The following ZNF532 variants were observed in gnomAD, a reference collection of about 807,000 sequenced individuals.
The protein encoded by ZNF532 is zinc finger protein 532.
In ZNF532, 22 loss-of-function variants were observed where a neutral mutation model predicts 89.3. That is an observed-to-expected ratio of 0.25 (90% CI 0.18 to 0.35). The LOEUF is 0.35. Ranked by LOEUF, ZNF532 falls within the 10% of genes least tolerant of loss-of-function variation. The probability of loss-of-function intolerance (pLI) is 1.00; values close to 1 mark genes in which losing one functional copy is unlikely to be tolerated. For missense variants in ZNF532, 1,132 were observed against 1,643.4 expected, an observed-to-expected ratio of 0.69 and a Z score of 5.38; for synonymous variants, 606 against 649.6, an observed-to-expected ratio of 0.93 and a Z score of 1.02.
At chr18:58,929,400 G>T (rs959087806) in intron 3 of ZNF532, among the ~76,000 whole-genome samples, 1 of 152,142 alleles carries the variant, frequency 6.6e-6, no homozygotes, top group Non-Finnish European at 1.5e-5. Context: ...CTCATTTCTA[G>T]ATCCCGCTCT....
chr18:58,884,644 C>G lies in ZNF532; in HGVS notation c.-18+19065C>G, dbSNP rs138252603. On this transcript the variant is annotated intron_variant, in intron 2 of 9. Coordinates refer to ENST00000591808, the MANE Select transcript of ZNF532 (RefSeq NM_001375912.1). ...TAAAAAGCATGGTACTTACAAAATG[C>G]CAAAGGAATGCTTCTAAAGTTGGTA... is the stretch of plus-strand genomic sequence containing the variant. 5.9e-3 allele frequency among the ~76,000 whole-genome samples: 904 copies of G among 152,214 alleles called. 8 individuals are homozygous for G. Among genetic ancestry groups the G allele is most frequent in the African/African-American group, 0.016 (657 of 41,544 alleles).
At chr18:58,942,110 C>A (rs2063154629) in intron 5 of ZNF532, among the ~76,000 whole-genome samples, 1 of 151,238 alleles carries the variant, frequency 6.6e-6, no homozygotes, top group African/African-American at 2.4e-5. Context: ...GCAAGCTCCA[C>A]CTCCCGAGTT....
intron 3 of ZNF532, among the ~76,000 whole-genome samples, chr18:58,923,567 G>A (rs1019271388): frequency 6.6e-6 from 1 of 152,094 alleles, no homozygotes; most frequent in Non-Finnish European, 1.5e-5. Flanking sequence ...ACTGTTGCCT[G>A]GGGTGCTATC....
intron 2 of ZNF532, among the ~76,000 whole-genome samples, chr18:58,873,248 C>T (rs963864063): frequency 6.6e-6 from 1 of 152,048 alleles, no homozygotes; most frequent in Non-Finnish European, 1.5e-5. Flanking sequence ...TCTCAAACAC[C>T]TGTGCTCAAG....
intron 7 of ZNF532, among the ~76,000 whole-genome samples, chr18:58,967,029 A>G (rs1300334783): frequency 6.6e-6 from 1 of 152,218 alleles, no homozygotes; most frequent in Non-Finnish European, 1.5e-5. Context: ...GATATTAAGT[A>G]TAAAAACCCC....
intron 4 of ZNF532, among the ~76,000 whole-genome samples, chr18:58,936,818 C>T (rs1277592741): frequency 6.6e-6 from 1 of 152,186 alleles, no homozygotes; most frequent in African/African-American, 2.4e-5. Context: ...TTAAGTGGGG[C>T]TTAGTAGCCC....
intron 7 of ZNF532, among the ~76,000 whole-genome samples, chr18:58,961,053 C>A (rs1245342830): frequency 6.6e-6 from 1 of 152,198 alleles, no homozygotes; most frequent in African/African-American, 2.4e-5. Flanking sequence ...AAAGCTAACA[C>A]CCTTCCTTTG....
chr18:58,967,540 C>T (rs566860097), intron 7 of ZNF532, among the ~76,000 whole-genome samples: 112 of 152,146 alleles, frequency 7.4e-4, no homozygotes, highest in African/African-American at 2.7e-3. Flanking sequence ...CCCCACCCTG[C>T]CCCCCCGTGC....
chr18:58,907,067 T>C (rs1348649368), intron 2 of ZNF532, among the ~76,000 whole-genome samples: 1 of 152,198 alleles, frequency 6.6e-6, no homozygotes, highest in Non-Finnish European at 1.5e-5. Context: ...GGCTCACAGG[T>C]CTCACCTCCT....
chr18:58,863,094 G>A (rs1164123459), upstream of ZNF532: 14 of 152,336 alleles, frequency 9.2e-5, no homozygotes, highest in East Asian at 2.7e-3. Context: ...CACCACCTTG[G>A]CTTCAAGATC....
intron 3 of ZNF532, among the ~76,000 whole-genome samples, chr18:58,927,726 AAG>A (rs1299547198): frequency 3.3e-5 from 5 of 152,170 alleles, no homozygotes; most frequent in African/African-American, 9.7e-5. Context: ...ATGTTTAAAA[AAG>A]ATCCTAATAT....
chr18:58,896,627 A>G (rs1009386249), intron 2 of ZNF532: 2 of 152,604 alleles, frequency 1.3e-5, no homozygotes, highest in Non-Finnish European at 2.9e-5. Flanking sequence ...ATCAAGGTAT[A>G]ACAATACAGC....
chr18:58,885,231 T>C (rs55843811), intron 2 of ZNF532, among the ~76,000 whole-genome samples: 35,606 of 152,104 alleles, frequency 0.23, 4,607 homozygotes, highest in Middle Eastern at 0.42. Context: ...TCAGGTGATC[T>C]GCCCGCTTCA....
intron 3 of ZNF532, 194 bp from the exon 4 acceptor site, chr18:58,934,239 C>T (rs1003594359): frequency 5.7e-6 from 3 of 523,356 alleles, no homozygotes; most frequent in Non-Finnish European, 1.0e-5. Context: ...ATAGCACATA[C>T]TGTGATTTTA....
intron 2 of ZNF532, among the ~76,000 whole-genome samples, chr18:58,903,963 G>T (rs2059760719): frequency 6.6e-6 from 1 of 152,204 alleles, no homozygotes; most frequent in Non-Finnish European, 1.5e-5. Context: ...ATTGGGAACA[G>T]TTGAACTAAT....
At chr18:58,940,973 C>T (rs1408537019) in intron 5 of ZNF532, among the ~76,000 whole-genome samples, 310 of 147,096 alleles carry the variant, frequency 2.1e-3, no homozygotes, top group African/African-American at 4.8e-3. Context: ...TTCTCTCTCT[C>T]TCTCTCTCTC....
intron 7 of ZNF532, among the ~76,000 whole-genome samples, chr18:58,958,221 T>C (rs941295665): frequency 1.3e-5 from 2 of 152,220 alleles, no homozygotes; most frequent in Non-Finnish European, 2.9e-5. Flanking sequence ...TAATCTGATA[T>C]CAAGTCAAAT....
chr18:58,896,571 TCATC>T (rs1602772746), intron 2 of ZNF532: 1 of 153,580 alleles, frequency 6.5e-6, no homozygotes, highest in Non-Finnish European at 1.5e-5. Context: ...GTCCATCTGT[TCATC>T]CACCCATCCG....
chr18:58,932,295 T>A (rs1398566489), intron 3 of ZNF532: 6 of 152,248 alleles, frequency 3.9e-5, no homozygotes, highest in Non-Finnish European at 8.8e-5. Context: ...TACATTCCAA[T>A]GAATTTAAGT....
Sources: gnomAD v4.1 joint callset for allele counts (sites outside exome capture counted in the v4.1 genomes callset) on GRCh38, gnomAD v4.1.1 for gene constraint, MANE v1.5 for transcripts, NCBI Gene and HGNC (gene_info 2026-07-23, HGNC 2026-07-21) for gene names.